The following PTCHD4 variants were observed in gnomAD, a reference collection of about 807,000 sequenced individuals.
PTCHD4 encodes patched domain-containing protein 4.
PTCHD4 carries 33 observed loss-of-function variants against 58.1 expected under a neutral mutation model. The observed-to-expected ratio is 0.57, with a 90% CI of 0.43 to 0.76. The LOEUF (loss-of-function observed/expected upper bound fraction) is 0.76. Among genes scored for constraint, PTCHD4 ranks in the 30% least tolerant of loss-of-function variants. PTCHD4 has a pLI of 0.00. For synonymous variants in PTCHD4, 478 were observed against 409.6 expected, an observed-to-expected ratio of 1.17 and a Z score of -2.02; for missense variants, 1,058 against 1,027.1, an observed-to-expected ratio of 1.03 and a Z score of -0.41.
At chr6:48,045,469 C>A (rs967407196) in intron 3 of PTCHD4, among the ~76,000 whole-genome samples, 13 of 151,762 alleles carry the variant, frequency 8.6e-5, no homozygotes, top group South Asian at 2.1e-4. Context: ...CATAAGGTGA[C>A]AACAGATGCC....
At chr6:47,998,518 T>C (rs2814477) in intron 4 of PTCHD4, among the ~76,000 whole-genome samples, 2 of 152,220 alleles carry the variant, frequency 1.3e-5, no homozygotes, top group African/African-American at 2.4e-5. Context: ...GTACTCTTTC[T>C]CATTCCTAAA....
intron 4 of PTCHD4, among the ~76,000 whole-genome samples, chr6:47,961,987 T>G (rs1050973064): frequency 6.6e-6 from 1 of 152,058 alleles, no homozygotes; most frequent in African/African-American, 2.4e-5. Flanking sequence ...GCTTGTTCTT[T>G]GAGAAGACAG....
intron 4 of PTCHD4, among the ~76,000 whole-genome samples, chr6:47,985,599 T>A (rs982177743): frequency 7.2e-5 from 11 of 152,126 alleles, no homozygotes; most frequent in Admixed American, 2.0e-4. Flanking sequence ...AAGAACTAGT[T>A]TTAATTAAAT....
intron 4 of PTCHD4, chr6:47,901,646 C>T (rs1581850554): frequency 1.8e-6 from 2 of 1,125,154 alleles, no homozygotes; most frequent in Non-Finnish European, 2.2e-6. Flanking sequence ...TACAGACACA[C>T]AGCTGTTAAG....
chr6:48,008,973 T>G lies in PTCHD4; in HGVS notation c.559A>C (p.Ile187Leu). 1 of 1,613,976 alleles carries G rather than the reference T, an allele frequency of 6.2e-7. No individual in the cohort carries two copies. ...QTYGSATQDL[I>L]GEKWENEFCK... ...AACTCATTCTCCCACTTCTCCCCTA[T>G]GAGGTCTTGGGTGGCAGAGCCATAG... The change falls in exon 4 of 5, where the codon ATA becomes CTA. Residue 187 changes from isoleucine (I) to leucine (L), a missense_variant. Physicochemically the swap from Ile to Leu is conservative, Grantham distance 5 (BLOSUM62 2). Coordinates refer to ENST00000339488, the MANE Select transcript of PTCHD4 (RefSeq NM_001384253.1).
intron 4 of PTCHD4, among the ~76,000 whole-genome samples, chr6:47,913,346 C>T (rs899517871): frequency 2.6e-5 from 4 of 152,072 alleles, no homozygotes; most frequent in African/African-American, 7.2e-5. Context: ...TTTATTTCCT[C>T]TAATGAGGAC....
At chr6:47,974,518 TG>T (rs368730313) in intron 4 of PTCHD4, among the ~76,000 whole-genome samples, 6 of 151,568 alleles carry the variant, frequency 4.0e-5, no homozygotes, top group African/African-American at 7.3e-5. Flanking sequence ...TTTGTTGTTG[TG>T]GGGGGGGCTG....
intron 4 of PTCHD4, among the ~76,000 whole-genome samples, chr6:48,002,525 C>T (rs1050914329): frequency 5.3e-5 from 8 of 151,666 alleles, no homozygotes; most frequent in South Asian, 2.1e-4. Context: ...AACCATACAC[C>T]GCATGTTCTC....
At chr6:47,947,372 G>C (rs1766464759) in intron 4 of PTCHD4, among the ~76,000 whole-genome samples, 1 of 151,884 alleles carries the variant, frequency 6.6e-6, no homozygotes, top group South Asian at 2.1e-4. Context: ...ATTTACCAGA[G>C]AGTTTATATT....
intron 4 of PTCHD4, among the ~76,000 whole-genome samples, chr6:47,934,844 A>C (rs1765945456): frequency 6.6e-6 from 1 of 152,220 alleles, no homozygotes; most frequent in Admixed American, 6.5e-5. Flanking sequence ...AACCCATGTC[A>C]ATTTTGAGAA....
At chr6:48,021,380 A>G (rs1251884462) in intron 3 of PTCHD4, among the ~76,000 whole-genome samples, 1 of 152,088 alleles carries the variant, frequency 6.6e-6, no homozygotes, top group Non-Finnish European at 1.5e-5. Flanking sequence ...TTCTTTTCAA[A>G]GAAAAGATCA....
At chr6:48,094,255 T>C (rs1395239830) in intron 1 of PTCHD4, among the ~76,000 whole-genome samples, 1 of 152,188 alleles carries the variant, frequency 6.6e-6, no homozygotes, top group East Asian at 1.9e-4. Context: ...TGAATGACAG[T>C]ATTATGGCAC....
intron 3 of PTCHD4, among the ~76,000 whole-genome samples, chr6:48,038,400 G>A (rs1191842884): frequency 6.6e-6 from 1 of 152,022 alleles, no homozygotes; most frequent in African/African-American, 2.4e-5. Context: ...CCAGCACTTT[G>A]GGAGGCCGAG....
At chr6:47,949,553 T>C (rs934396442) in intron 4 of PTCHD4, among the ~76,000 whole-genome samples, 4 of 152,146 alleles carry the variant, frequency 2.6e-5, no homozygotes, top group African/African-American at 9.7e-5. Flanking sequence ...TGGGAATTTA[T>C]TGTATTGATT....
chr6:47,937,101 C>A (rs1158781516), intron 4 of PTCHD4, among the ~76,000 whole-genome samples: 1 of 152,178 alleles, frequency 6.6e-6, no homozygotes, highest in Non-Finnish European at 1.5e-5. Flanking sequence ...GATCATGTAA[C>A]CCCTTGCAGG....
At chr6:47,978,040 AGAAATAGAAACAGG>A (rs1767759925) in intron 4 of PTCHD4, among the ~76,000 whole-genome samples, 1 of 152,192 alleles carries the variant, frequency 6.6e-6, no homozygotes, top group African/African-American at 2.4e-5. Flanking sequence ...ACTTATTGAT[AGAAATAGAAACAGG>A]GAAATTAGCA....
intron 4 of PTCHD4, among the ~76,000 whole-genome samples, chr6:47,914,196 GT>G (rs1334105333): frequency 1.1e-4 from 16 of 152,068 alleles, no homozygotes; most frequent in Admixed American, 8.5e-4. Flanking sequence ...TTTTGTGTTT[GT>G]TTTAGCAGCC....
At chr6:48,017,184 T>A (rs896628704) in intron 3 of PTCHD4, among the ~76,000 whole-genome samples, 4 of 152,174 alleles carry the variant, frequency 2.6e-5, no homozygotes, top group Non-Finnish European at 5.9e-5. Flanking sequence ...GTCAAGTATA[T>A]ACATAAACTA....
chr6:48,045,843 T>G (rs1404679257), intron 3 of PTCHD4, among the ~76,000 whole-genome samples: 1 of 151,570 alleles, frequency 6.6e-6, no homozygotes, highest in East Asian at 1.9e-4. Context: ...CGCATCTTCA[T>G]TCCCTCAGGG....
Sources: gnomAD v4.1 joint callset for allele counts (sites outside exome capture counted in the v4.1 genomes callset) on GRCh38, gnomAD v4.1.1 for gene constraint, MANE v1.5 for transcripts, NCBI Gene and HGNC (gene_info 2026-07-23, HGNC 2026-07-21) for gene names.